The following LARGE1 variants were observed in gnomAD, a reference collection of about 807,000 sequenced individuals.
LARGE1 encodes xylosyl- and glucuronyltransferase LARGE1.
In LARGE1, 43 loss-of-function variants were observed where a neutral mutation model predicts 87.6. That is an observed-to-expected ratio of 0.49 (90% CI 0.38 to 0.63). LARGE1 has a LOEUF of 0.63. LARGE1 is among the 30% of genes least tolerant of loss of function. LARGE1 has a pLI of 0.00. For synonymous variants in LARGE1, 434 were observed against 394.6 expected (o/e 1.10, Z -1.18); for missense variants, 802 against 1,000.2 (o/e 0.80, Z 2.67).
chr22:33,602,516 A>G (rs1255825527), intron 5 of LARGE1, among the ~76,000 whole-genome samples: 5 of 151,540 alleles, frequency 3.3e-5, no homozygotes, highest in Non-Finnish European at 2.9e-5. Context: ...AGCTGGGACT[A>G]CAGGTGCAGT....
chr22:33,285,611 G>A (rs550159446), intron 12 of LARGE1, among the ~76,000 whole-genome samples: 326 of 150,666 alleles, frequency 2.2e-3, no homozygotes, highest in Non-Finnish European at 3.2e-3. Context: ...GCGACAGAGC[G>A]AGACCCTGTC....
In LARGE1 at chr22:33,452,316, C is replaced by T. The variant is rs558739068; in HGVS notation, c.788-20051G>A. On this transcript the variant is annotated intron_variant, in intron 6 of 14. Transcript: ENST00000397394. ...CAGGGTGAAGGACGGGTGGCCTATG[C>T]AGCAGAAAGGGGGAGGGGCTTGGGG... Among the ~76,000 whole-genome samples the T allele has an allele frequency of 4.6e-5, 7 of 152,216 alleles. 1 individual carries two copies. The South Asian group carries it at 1.5e-3, about 32-fold the overall frequency.
intron 1 of LARGE1, among the ~76,000 whole-genome samples, chr22:33,810,828 A>C (rs2086470822): frequency 6.6e-6 from 1 of 151,792 alleles, no homozygotes; most frequent in Admixed American, 6.6e-5. Context: ...GGTTCAAGCA[A>C]TTTCCCTGCC....
At chr22:33,079,413 G>A in the LARGE1 span, among the ~76,000 whole-genome samples, 1 of 151,748 alleles carries the variant, frequency 6.6e-6, no homozygotes, top group Non-Finnish European at 1.5e-5. Context: ...ATTTTCAGTA[G>A]AGATGGGGTT....
intron 11 of LARGE1, among the ~76,000 whole-genome samples, chr22:33,241,281 C>T (rs1602136655): frequency 6.6e-6 from 1 of 152,176 alleles, no homozygotes. Flanking sequence ...CAATGTGATC[C>T]CCAGGCACAC....
chr22:33,241,673 T>C (rs1568986808), intron 11 of LARGE1, among the ~76,000 whole-genome samples: 1 of 152,022 alleles, frequency 6.6e-6, no homozygotes, highest in Non-Finnish European at 1.5e-5. Context: ...TGTGTATGTA[T>C]ATATATTACA....
chr22:33,111,573 C>G, the LARGE1 span, among the ~76,000 whole-genome samples: 1 of 152,200 alleles, frequency 6.6e-6, no homozygotes, highest in South Asian at 2.1e-4. Context: ...ACTGACAATT[C>G]CCCCCGTCCA....
chr22:33,551,993 CAAAAAAA>C (rs10674621), intron 6 of LARGE1, among the ~76,000 whole-genome samples: 1 of 72,888 alleles, frequency 1.4e-5, no homozygotes, highest in South Asian at 5.6e-4. Flanking sequence ...GGCTCCGTCT[CAAAAAAA>C]AAAAAAAAAA....
intron 6 of LARGE1, among the ~76,000 whole-genome samples, chr22:33,503,932 A>G (rs2070633699): frequency 6.6e-6 from 1 of 152,252 alleles, no homozygotes; most frequent in Non-Finnish European, 1.5e-5. Flanking sequence ...ACCATGGAAT[A>G]TTATTGTGGC....
At chr22:33,790,896 A>C (rs903134851) in intron 1 of LARGE1, among the ~76,000 whole-genome samples, 7 of 152,248 alleles carry the variant, frequency 4.6e-5, no homozygotes, top group Non-Finnish European at 8.8e-5. Flanking sequence ...ATAACTTCAG[A>C]AGTTTCAATC....
intron 1 of LARGE1, among the ~76,000 whole-genome samples, chr22:33,878,125 A>ATTTTTTTTTTTTTTTTTTTTT (rs1601836110): frequency 1.4e-4 from 7 of 51,234 alleles, no homozygotes; most frequent in Admixed American, 2.1e-4. Flanking sequence ...TTTATATTGT[A>ATTTTTTTTTTTTTTTTTTTTT]TTTCTTTTTT....
At chr22:33,530,702 T>C (rs1024103360) in intron 6 of LARGE1, among the ~76,000 whole-genome samples, 1 of 152,160 alleles carries the variant, frequency 6.6e-6, no homozygotes. Context: ...GTACAAGGCC[T>C]ATCACACAGT....
Position 33,283,103 on chromosome 22 carries a change from G to A in LARGE1, c.1877+99C>T, listed in dbSNP as rs79668268. ...TCCTGGCCTCACAATGGACTAAGGC[G>A]AGCGACAAACTTCCAGATCGATAGC... On this transcript the variant is annotated intron_variant, in intron 13 of 14. Transcript: ENST00000397394. 1.5e-3 allele frequency: 2,205 copies of A among 1,476,222 alleles called. 30 individuals are homozygous for A. In the African/African-American group the frequency reaches 0.027, roughly 18 times the overall value. The allele number at this position is 1,476,222 out of a possible 1,614,324, so 91.4% of individuals were successfully genotyped here.
chr22:33,181,807 C>G (rs1266869350), intron 11 of LARGE1, among the ~76,000 whole-genome samples: 6 of 145,442 alleles, frequency 4.1e-5, no homozygotes, highest in African/African-American at 1.3e-4. Context: ...GGATTACAGG[C>G]GTGAGCCAGT....
chr22:33,358,323 A>C (rs181179267), intron 9 of LARGE1, among the ~76,000 whole-genome samples: 3 of 151,570 alleles, frequency 2.0e-5, no homozygotes, highest in Non-Finnish European at 4.4e-5. Context: ...TCCTTGATCC[A>C]TCCCAATCCT....
intron 9 of LARGE1, among the ~76,000 whole-genome samples, chr22:33,357,979 A>G (rs1394674503): frequency 2.0e-5 from 3 of 151,940 alleles, no homozygotes; most frequent in African/African-American, 7.3e-5. Flanking sequence ...AGGGTGAGTT[A>G]AAGAACTCAG....
chr22:33,110,652 T>G, the LARGE1 span: 1 of 152,220 alleles, frequency 6.6e-6, no homozygotes, highest in Non-Finnish European at 1.5e-5. Context: ...GAGTAAGAAT[T>G]TCTGCACAGT....
chr22:33,747,757 G>A (rs918390276), intron 2 of LARGE1: 1 of 152,196 alleles, frequency 6.6e-6, no homozygotes, highest in African/African-American at 2.4e-5. Flanking sequence ...GACTGTGTGT[G>A]CGGAATGAAT....
At chr22:33,921,526 G>T (rs1032446744), upstream of LARGE1, among the ~76,000 whole-genome samples, 2 of 152,160 alleles carry the variant, frequency 1.3e-5, no homozygotes, top group Non-Finnish European at 2.9e-5. The surrounding 1 kb of genome is among the most constrained non-coding windows in gnomAD (Gnocchi z 4.1). Flanking sequence ...TCTCGGAGGT[G>T]GGCATGCTGT....
Sources: allele counts gnomAD v4.1 joint callset (sites outside exome capture counted in the v4.1 genomes callset), GRCh38; gene constraint gnomAD v4.1.1; non-coding constraint Gnocchi (gnomAD v3.1); transcripts MANE v1.5; gene names NCBI Gene and HGNC (gene_info 2026-07-23, HGNC 2026-07-21).